NEK9: variants seen among roughly 807,000 people sequenced by gnomAD.
NEK9 encodes the protein NIMA related kinase 9.
NEK9 carries 75 observed loss-of-function variants against 123.4 expected under a neutral mutation model. The ratio of observed to expected loss-of-function variants is 0.61; its 90% CI spans 0.50 to 0.74. The LOEUF (loss-of-function observed/expected upper bound fraction) is 0.74, where lower values mean the gene tolerates loss of function less well. NEK9 is among the 30% of genes least tolerant of loss of function. NEK9 has a pLI of 0.00. For synonymous variants in NEK9, 438 were observed against 458.7 expected (o/e 0.95, Z 0.58); for missense variants, 952 against 1,214.4 (o/e 0.78, Z 3.21).
chr14:75,089,384 C>A (rs1004716738), intron 19 of NEK9, among the ~76,000 whole-genome samples: 2 of 151,554 alleles, frequency 1.3e-5, no homozygotes, highest in African/African-American at 4.9e-5. Context: ...TGTACCACCA[C>A]AACTGGCTAA....
chr14:75,101,031 C>A lies in NEK9; in HGVS notation c.1963G>T (p.Val655Phe). 4 of 1,614,224 alleles carry A rather than the reference C, an allele frequency of 2.5e-6. No homozygotes were observed. Among genetic ancestry groups the A allele is most frequent in the Non-Finnish European group, 2.5e-6 (3 of 1,180,036 alleles). ...ATGGTAAACTCATCACCGCAGGAGA[C>A]CCTGATCACTTGCTTCCCACCAAGG... Reference protein sequence around the residue: ...GPLGGKQVIRVSCGDEFTIAA... With the variant: ...GPLGGKQVIRFSCGDEFTIAA... The change falls in exon 16 of 22, where the codon GTC (valine) becomes TTC (phenylalanine). Residue 655 changes from valine (V) to phenylalanine (F), a missense_variant. Physicochemically the swap from Val to Phe is conservative, Grantham distance 50 (BLOSUM62 -1). Around this residue, in one of 4 missense-constraint regions of NEK9, gnomAD observed 698 missense variants for 875.6 expected, o/e 0.80. Coordinates refer to ENST00000238616, the MANE Select transcript of NEK9 (RefSeq NM_033116.6).
intron 14 of NEK9, 65 bp from the exon 15 acceptor site, chr14:75,101,830 G>C (rs1894594369): frequency 8.0e-7 from 1 of 1,243,454 alleles, no homozygotes; most frequent in African/African-American, 1.5e-5. Flanking sequence ...ATCAGGCTGA[G>C]AATGGAAAAA....
At position 75,083,251 on chromosome 14, in the gene NEK9, G is replaced by A. The variant is rs1893919737; in HGVS notation, c.*1313C>T. On this transcript the variant is annotated 3_prime_UTR_variant, in exon 22 of 22. Transcript: ENST00000238616. Reference sequence around the variant, plus strand: ...ACAGGAACATTTTACAAGGCTAGGTGGAAATACAAAGCTCACATCCTTAAG... The same window carrying A: ...ACAGGAACATTTTACAAGGCTAGGTAGAAATACAAAGCTCACATCCTTAAG... The A allele has an allele frequency of 5.0e-6, 2 of 396,980 alleles. No individual in the cohort carries two copies. The highest frequency in any genetic ancestry group is 8.9e-6 in the Non-Finnish European group (2 of 225,664). The allele number at this position is 396,980 out of a possible 1,614,324, so 24.6% of individuals were successfully genotyped here.
At chr14:75,084,864 T>C in intron 21 of NEK9, 178 bp from the exon 22 acceptor site, 5 of 666,750 alleles carry the variant, frequency 7.5e-6, no homozygotes, top group South Asian at 2.0e-5. Flanking sequence ...CATACCTTTA[T>C]ATTTACTGCA....
chr14:75,121,024 A>C (rs1382054045), intron 3 of NEK9, 95 bp downstream of exon 3: 1 of 1,053,984 alleles, frequency 9.5e-7, no homozygotes. Flanking sequence ...AAAAGGAAAA[A>C]AACACTCTTC....
intron 6 of NEK9, among the ~76,000 whole-genome samples, chr14:75,116,148 A>C (rs1315271420): frequency 2.0e-5 from 3 of 152,320 alleles, no homozygotes; most frequent in East Asian, 3.9e-4. Context: ...AAGAAGTAAC[A>C]ATTTAGAAAA....
At chr14:75,088,307 G>A (rs1353243874) in intron 20 of NEK9, among the ~76,000 whole-genome samples, 173 bp downstream of exon 20, 1 of 152,204 alleles carries the variant, frequency 6.6e-6, no homozygotes, top group Non-Finnish European at 1.5e-5. Flanking sequence ...ATACCTTTCT[G>A]AGGCAACTCA....
At chr14:75,126,603 A>C in intron 1 of NEK9, 100 bp downstream of exon 1, 2 of 917,056 alleles carry the variant, frequency 2.2e-6, no homozygotes, top group South Asian at 2.2e-5. Context: ...TGGGCGCCTA[A>C]AGCACTAAGC....
At chr14:75,096,513 G>T (rs1381456865) in intron 17 of NEK9, among the ~76,000 whole-genome samples, 3 of 152,038 alleles carry the variant, frequency 2.0e-5, no homozygotes, top group Admixed American at 2.0e-4. Flanking sequence ...ATTGGTGGAT[G>T]ATTAGAAGTA....
At chr14:75,106,021 T>G (rs780481279) in intron 12 of NEK9, 25 bp from the exon 13 acceptor site, 9 of 1,603,672 alleles carry the variant, frequency 5.6e-6, no homozygotes, top group Admixed American at 1.7e-5. Flanking sequence ...AGAATGAAAA[T>G]CATTATAATG....
chr14:75,094,891 A>G (rs1894330107), intron 18 of NEK9, among the ~76,000 whole-genome samples: 1 of 152,218 alleles, frequency 6.6e-6, no homozygotes, highest in African/African-American at 2.4e-5. Flanking sequence ...ATTTCCTAGC[A>G]TGGTCCCCAA....
At position 75,091,320 on chromosome 14, in the gene NEK9, T is replaced by C. The variant is rs528486422; in HGVS notation, c.2392A>G (p.Met798Val). 3.7e-6 allele frequency: 6 copies of C among 1,613,856 alleles called. No individual in the cohort carries two copies. The Admixed American group carries it at 5.0e-5, about 13-fold the overall frequency. ...CTGCTGGCCCCATTACTGTTCCCCA[T>C]GGCCTCTGTGGGACTGATTAAACCT... ...MEGLISPTEA[M>V]GNSNGASSSC... is the part of the protein sequence containing the mutation. Residue 798 changes from methionine (M) to valine (V), a missense_variant, in exon 19 of 22, where the codon ATG (methionine) becomes GTG (valine). By Grantham distance (21) the Met-to-Val change is conservative. Coordinates refer to ENST00000238616, the MANE Select transcript of NEK9 (RefSeq NM_033116.6).
intron 8 of NEK9, among the ~76,000 whole-genome samples, chr14:75,111,441 A>G (rs1894955214): frequency 6.6e-6 from 1 of 152,202 alleles, no homozygotes; most frequent in Non-Finnish European, 1.5e-5. Context: ...TGTGTCTATG[A>G]TTTTGTTTAT....
chr14:75,111,876 G>A (rs1399006850), intron 8 of NEK9, among the ~76,000 whole-genome samples: 1 of 152,136 alleles, frequency 6.6e-6, no homozygotes, highest in Non-Finnish European at 1.5e-5. Flanking sequence ...GGGCAACAGA[G>A]TGAGACTCTC....
rs561099080 is a variant in NEK9, at chr14:75,084,503, G to T, written c.*61C>A. 5 of 1,597,840 alleles carry T rather than the reference G, an allele frequency of 3.1e-6. No individual in the cohort carries two copies. In the South Asian group the frequency reaches 4.4e-5, roughly 14 times the overall value. On this transcript the variant is annotated 3_prime_UTR_variant, in exon 22 of 22. Transcript: ENST00000238616. ...CCAGGAAAGCTGCTCTCTGCATTCG[G>T]TAAGTGTGCTGTGAAGTTCTTTGGG...
chr14:75,079,751 C>T lies in NEK9; in HGVS notation c.*4813G>A, dbSNP rs993146667. The T allele has an allele frequency of 3.3e-5, 5 of 152,196 alleles. No individual in the cohort carries two copies. The highest frequency in any genetic ancestry group is 1.2e-4 in the African/African-American group (5 of 41,446). 9.4% of individuals were successfully genotyped at this position (152,196 alleles called of 1,614,324 possible). A position where few individuals can be genotyped will look rare whatever the true frequency, so the allele number is the denominator to read the frequency against. On this transcript the variant is annotated 3_prime_UTR_variant, in exon 22 of 22. Transcript: ENST00000238616. ...TGGGTGGGGTTTAGAATCAGATGCTCCTCCAGATGGGAATGGTAGCACCAG... is the reference window on the plus strand; with the variant it reads ...TGGGTGGGGTTTAGAATCAGATGCTTCTCCAGATGGGAATGGTAGCACCAG...
At chr14:75,099,103 A>T (rs934083339) in intron 16 of NEK9, among the ~76,000 whole-genome samples, 1 of 152,244 alleles carries the variant, frequency 6.6e-6, no homozygotes, top group Admixed American at 6.5e-5. Context: ...GGACCAAAAG[A>T]AAACAAGGAT....
intron 3 of NEK9, 23 bp from the exon 4 acceptor site, chr14:75,120,603 T>C: frequency 6.3e-7 from 1 of 1,588,702 alleles, no homozygotes; most frequent in Non-Finnish European, 8.6e-7. Context: ...AATAAATATT[T>C]GGATTAGAAA....
intron 15 of NEK9, 63 bp downstream of exon 15, chr14:75,101,594 T>C (rs1894581126): frequency 8.9e-7 from 1 of 1,126,414 alleles, no homozygotes. Flanking sequence ...GAAAACCTAA[T>C]ACCTGATAGA....
Sources: allele counts gnomAD v4.1 joint callset (sites outside exome capture counted in the v4.1 genomes callset), GRCh38; gene constraint gnomAD v4.1.1; regional missense constraint gnomAD v4.1.1; transcripts MANE v1.5; gene names NCBI Gene and HGNC (gene_info 2026-07-23, HGNC 2026-07-21).